DACH2: variants seen among roughly 807,000 people sequenced by gnomAD.
The protein encoded by DACH2 is dachshund family transcription factor 2.
Under a neutral mutation model 35.8 loss-of-function variants are expected in DACH2, and 17 were observed. The ratio of observed to expected loss-of-function variants is 0.48; its 90% CI spans 0.33 to 0.71. DACH2 has a LOEUF of 0.71. DACH2 is among the 30% of genes least tolerant of loss of function. DACH2 has a pLI of 0.02. For synonymous variants in DACH2, 195 were observed against 177.3 expected (o/e 1.10, Z -0.79); for missense variants, 469 against 472.7 (o/e 0.99, Z 0.07).
chrX:86,746,040 A>G (rs2041708849), intron 7 of DACH2, among the ~76,000 whole-genome samples: 1 of 111,625 alleles, frequency 9.0e-6, no homozygotes, highest in African/African-American at 3.2e-5. Flanking sequence ...CTTCTTTTGA[A>G]AAGTCTGTTC....
chrX:86,210,931 T>C (rs970942743), intron 1 of DACH2, among the ~76,000 whole-genome samples: 8 of 111,649 alleles, frequency 7.2e-5, no homozygotes, highest in Admixed American at 6.7e-4. Flanking sequence ...ATTGAGAGGA[T>C]TGATTTATCT....
chrX:86,268,539 ATTTT>A (rs1325320600), intron 1 of DACH2, among the ~76,000 whole-genome samples: 1 of 101,597 alleles, frequency 9.8e-6, no homozygotes, highest in African/African-American at 3.6e-5. Context: ...ATTTTATTTT[ATTTT>A]ATTTTATTTG....
chrX:86,197,472 G>C (rs1157307831), intron 1 of DACH2, among the ~76,000 whole-genome samples: 1 of 111,240 alleles, frequency 9.0e-6, no homozygotes, highest in African/African-American at 3.3e-5. Flanking sequence ...TGGCAAGTTG[G>C]ATAAAGAATG....
At chrX:86,318,872 T>C (rs764244396) in intron 1 of DACH2, among the ~76,000 whole-genome samples, 1 of 112,013 alleles carries the variant, frequency 8.9e-6, no homozygotes, top group Admixed American at 9.5e-5. Context: ...ATTAGTTACT[T>C]ATTTTTCCAA....
chrX:86,168,109 G>C (rs754063250), intron 1 of DACH2, among the ~76,000 whole-genome samples: 7 of 111,497 alleles, frequency 6.3e-5, no homozygotes, highest in Non-Finnish European at 1.1e-4. Context: ...TTTCTGTCTG[G>C]AAGATCTGTG....
At chrX:86,720,228 C>G (rs1173134342) in intron 6 of DACH2, among the ~76,000 whole-genome samples, 1 of 110,627 alleles carries the variant, frequency 9.0e-6, no homozygotes, top group Non-Finnish European at 1.9e-5. Flanking sequence ...TGAGCCACTG[C>G]ACCTGGCCTA....
At chrX:86,314,587 C>G (rs1435587516) in intron 1 of DACH2, among the ~76,000 whole-genome samples, 1 of 111,888 alleles carries the variant, frequency 8.9e-6, no homozygotes, top group Admixed American at 9.5e-5. Flanking sequence ...AGGCAAAAAT[C>G]TAGGCCTCTT....
At chrX:86,623,103 G>T (rs1208380034) in intron 3 of DACH2, among the ~76,000 whole-genome samples, 2 of 111,951 alleles carry the variant, frequency 1.8e-5, no homozygotes, top group Admixed American at 9.5e-5. Flanking sequence ...TGAGTACAAA[G>T]CTGAGTAAGA....
At chrX:86,678,457 C>CGT (rs1366438494) in intron 4 of DACH2, among the ~76,000 whole-genome samples, 1 of 112,092 alleles carries the variant, frequency 8.9e-6, no homozygotes, top group Non-Finnish European at 1.9e-5. Context: ...AAAACATTTA[C>CGT]AATTACTACA....
At chrX:86,195,146 G>T (rs760415400) in intron 1 of DACH2, among the ~76,000 whole-genome samples, 1 of 112,605 alleles carries the variant, frequency 8.9e-6, no homozygotes, top group Non-Finnish European at 1.9e-5. Context: ...GCGGGTTTTG[G>T]TTTCCTTGCC....
intron 2 of DACH2, among the ~76,000 whole-genome samples, chrX:86,430,144 T>A (rs1285181870): frequency 8.9e-6 from 1 of 112,076 alleles, no homozygotes; most frequent in Non-Finnish European, 1.9e-5. Context: ...CTTTTTATAG[T>A]TTCTATTATT....
chrX:86,226,395 C>G (rs1270087510), intron 1 of DACH2, among the ~76,000 whole-genome samples: 1 of 105,718 alleles, frequency 9.5e-6, no homozygotes, highest in Non-Finnish European at 2.0e-5. Flanking sequence ...AGTGTTGTTA[C>G]ACAGCTGAAA....
At chrX:86,200,638 A>AAAG (rs1253012986) in intron 1 of DACH2, among the ~76,000 whole-genome samples, 1 of 104,960 alleles carries the variant, frequency 9.5e-6, no homozygotes, top group Non-Finnish European at 1.9e-5. Flanking sequence ...ACTTTTCCAA[A>AAAG]AAAAAAAAAA....
At chrX:86,691,499 T>C (rs1028076466) in intron 4 of DACH2, among the ~76,000 whole-genome samples, 1 of 111,339 alleles carries the variant, frequency 9.0e-6, no homozygotes, top group Admixed American at 9.6e-5. Context: ...CCACAAAAAT[T>C]AAAAATAATA....
At chrX:86,456,574 ATTG>A (rs1187192205) in intron 2 of DACH2, among the ~76,000 whole-genome samples, 3 of 111,344 alleles carry the variant, frequency 2.7e-5, no homozygotes, top group Non-Finnish European at 5.7e-5. Flanking sequence ...AATCAAGTAC[ATTG>A]TTATTATTTT....
intron 7 of DACH2, among the ~76,000 whole-genome samples, chrX:86,791,205 T>C (rs2099831499): frequency 1.8e-5 from 2 of 110,907 alleles, no homozygotes; most frequent in African/African-American, 6.6e-5. Context: ...AAACCCATAT[T>C]GTTCAAGGGT....
chrX:86,310,424 G>A (rs111350143), intron 1 of DACH2, among the ~76,000 whole-genome samples: 2,544 of 111,507 alleles, frequency 0.023, 76 homozygotes, highest in African/African-American at 0.079. Context: ...CCTATGATCA[G>A]TTGACCGAGG....
At chrX:86,388,896 G>C (rs2036160648) in intron 2 of DACH2, among the ~76,000 whole-genome samples, 1 of 111,423 alleles carries the variant, frequency 9.0e-6, no homozygotes, top group Non-Finnish European at 1.9e-5. Context: ...TGGCATTGCT[G>C]TTATTCACAC....
intron 2 of DACH2, among the ~76,000 whole-genome samples, chrX:86,398,610 A>G (rs1005578324): frequency 1.8e-5 from 2 of 111,872 alleles, no homozygotes; most frequent in Admixed American, 9.5e-5. Context: ...CGTTAGTTTC[A>G]AAGAATATCT....
Sources: gnomAD v4.1 joint callset for allele counts (sites outside exome capture counted in the v4.1 genomes callset) on GRCh38, gnomAD v4.1.1 for gene constraint, MANE v1.5 for transcripts, NCBI Gene and HGNC (gene_info 2026-07-23, HGNC 2026-07-21) for gene names.